The following VTA1 variants were observed in gnomAD, a reference collection of about 807,000 sequenced individuals.
The protein encoded by VTA1 is vesicle trafficking 1.
In VTA1, 24 loss-of-function variants were observed where a neutral mutation model predicts 36.9. That is an observed-to-expected ratio of 0.65 (90% CI 0.47 to 0.91). VTA1 has a LOEUF of 0.91. VTA1 is among the 40% of genes least tolerant of loss of function. The pLI is 0.00. For missense variants in VTA1, 393 were observed against 377.2 expected (o/e 1.04, Z -0.35); for synonymous variants, 142 against 130.2 (o/e 1.09, Z -0.62).
rs966128972 is a variant in VTA1 at position 142,219,156 on chromosome 6, T to G, written c.*513T>G. 2 of 152,152 alleles carry G rather than the reference T, an allele frequency of 1.3e-5. No individual in the cohort carries two copies. Among genetic ancestry groups the G allele is most frequent in the African/African-American group, 4.8e-5 (2 of 41,454 alleles). The allele number at this position is 152,152 out of a possible 1,614,324, so 9.4% of individuals were successfully genotyped here. A position where few individuals can be genotyped will look rare whatever the true frequency, so the allele number is the denominator to read the frequency against. On this transcript the variant is annotated 3_prime_UTR_variant, in exon 8 of 8. Transcript: ENST00000367630. ...CTGCTGGATGAATCTGAAAAGACAT[T>G]AAGTTCAAATTTTAATTTATTCTCA...
chr6:142,161,564 T>C (rs905680492), intron 1 of VTA1, among the ~76,000 whole-genome samples: 1 of 152,194 alleles, frequency 6.6e-6, no homozygotes, highest in Non-Finnish European at 1.5e-5. Context: ...TTTGCAAATA[T>C]GCCTCATTAC....
chr6:142,168,843 T>C (rs1774974626), intron 2 of VTA1, among the ~76,000 whole-genome samples: 1 of 151,316 alleles, frequency 6.6e-6, no homozygotes, highest in African/African-American at 2.4e-5. Context: ...CTCAGCCCAC[T>C]GCAAGCTCCT....
At position 142,211,711 on chromosome 6, in the gene VTA1, T is replaced by TAA. The variant is rs774060786; in HGVS notation, c.779-6787_779-6786insAA. 1.1e-3 allele frequency among the ~76,000 whole-genome samples: 77 copies of TAA among 72,920 alleles called. 6 individuals are homozygous for TAA. The highest frequency in any genetic ancestry group is 5.5e-3 in the East Asian group (24 of 4,372). 47.8% of individuals were successfully genotyped at this position (72,920 alleles called of 152,430 possible). A position where few individuals can be genotyped will look rare whatever the true frequency, so the allele number is the denominator to read the frequency against. On this transcript the variant is annotated intron_variant, in intron 7 of 7. Transcript: ENST00000367630. Reference sequence around the variant, plus strand: ...GGGCGAAAGAGCGAGACTCCATCTCTTAAAAAAAAAAAAAAAAATGAAAGG... The same window carrying TAA: ...GGGCGAAAGAGCGAGACTCCATCTCTAATAAAAAAAAAAAAAAAAATGAAAGG...
At position 142,218,797 on chromosome 6, in the gene VTA1, T is replaced by A; in HGVS notation, c.*154T>A. On this transcript the variant is annotated 3_prime_UTR_variant, in exon 8 of 8. Transcript: ENST00000367630. The stretch of plus-strand genomic sequence containing the variant: ...GTGTATCAGATTTTTATTGAAGCAT[T>A]CATCAGCAGCCTCAACCAGTTTTCA... 2 of 850,072 alleles carry A rather than the reference T, an allele frequency of 2.4e-6. No homozygotes were observed. Among genetic ancestry groups the A allele is most frequent in the Non-Finnish European group, 3.4e-6 (2 of 592,102 alleles). 52.7% of individuals were successfully genotyped at this position (850,072 alleles called of 1,614,324 possible).
intron 6 of VTA1, among the ~76,000 whole-genome samples, chr6:142,199,276 G>A (rs1208684243): frequency 6.6e-6 from 1 of 152,080 alleles, no homozygotes; most frequent in Non-Finnish European, 1.5e-5. Flanking sequence ...GTCAGGGTCA[G>A]TAAAGACACT....
chr6:142,188,503 G>A (rs1003141822), intron 4 of VTA1, among the ~76,000 whole-genome samples: 1 of 152,028 alleles, frequency 6.6e-6, no homozygotes, highest in Non-Finnish European at 1.5e-5. Context: ...ATGAGCCACC[G>A]TGCCTGTTTT....
rs1360313425 is a variant in VTA1, at chr6:142,213,508, C to T, written c.779-4990C>T. On this transcript the variant is annotated intron_variant, in intron 7 of 7. Coordinates refer to ENST00000367630, the MANE Select transcript of VTA1 (RefSeq NM_016485.5). The stretch of plus-strand genomic sequence containing the variant: ...TTCTCACAGCTCCACTAGGCAGTGC[C>T]CCAGTGGGCATGCTGCATGGGGGCT... Among the ~76,000 whole-genome samples, 5 of 152,190 alleles carry T rather than the reference C, an allele frequency of 3.3e-5. No homozygotes were observed. In the East Asian group the frequency reaches 9.6e-4, roughly 29 times the overall value.
In VTA1 at chr6:142,218,963, C is replaced by T. The variant is rs1049335163; in HGVS notation, c.*320C>T. The T allele has an allele frequency of 5.8e-6, 1 of 172,854 alleles. No individual in the cohort carries two copies. Among genetic ancestry groups the T allele is most frequent in the African/African-American group, 2.4e-5 (1 of 42,302 alleles). The allele number at this position is 172,854 out of a possible 1,614,324, so 10.7% of individuals were successfully genotyped here. A position where few individuals can be genotyped will look rare whatever the true frequency, so the allele number is the denominator to read the frequency against. ...GTACTGGGAATAAGCTTTGTATTTA[C>T]ATACATTAGGGGAATTTTTTAAAAT... On this transcript the variant is annotated 3_prime_UTR_variant, in exon 8 of 8. Coordinates refer to ENST00000367630, the MANE Select transcript of VTA1 (RefSeq NM_016485.5).
intron 4 of VTA1, among the ~76,000 whole-genome samples, chr6:142,170,913 C>A (rs1713730894): frequency 6.6e-6 from 1 of 151,670 alleles, no homozygotes; most frequent in African/African-American, 2.4e-5. Context: ...GGTGTGAACC[C>A]CATTGCACCT....
intron 7 of VTA1, among the ~76,000 whole-genome samples, chr6:142,212,633 GTATGAAGAA>G (rs1775926840): frequency 6.6e-6 from 1 of 152,152 alleles, no homozygotes; most frequent in African/African-American, 2.4e-5. Flanking sequence ...ACTGGGTAAT[GTATGAAGAA>G]TAGAGGTTTA....
intron 4 of VTA1, among the ~76,000 whole-genome samples, chr6:142,182,663 G>A (rs1360888173): frequency 6.6e-6 from 1 of 152,174 alleles, no homozygotes; most frequent in Non-Finnish European, 1.5e-5. Flanking sequence ...TTTAACCATT[G>A]TGGCCATTTA....
chr6:142,156,512 A>G (rs1413897366), intron 1 of VTA1, among the ~76,000 whole-genome samples: 1 of 152,338 alleles, frequency 6.6e-6, no homozygotes, highest in East Asian at 1.9e-4. Flanking sequence ...TGTTAGATAA[A>G]TATTTTGATT....
At chr6:142,163,336 C>T (rs533338894) in intron 1 of VTA1, among the ~76,000 whole-genome samples, 3 of 152,118 alleles carry the variant, frequency 2.0e-5, no homozygotes, top group African/African-American at 4.8e-5. Context: ...AAGATCTTTC[C>T]CTGCTGTCAT....
intron 1 of VTA1, among the ~76,000 whole-genome samples, chr6:142,153,806 A>G (rs1275372813): frequency 6.6e-6 from 1 of 152,002 alleles, no homozygotes; most frequent in African/African-American, 2.4e-5. Context: ...TAGTTTTTGC[A>G]TTTTCTTTTA....
intron 4 of VTA1, among the ~76,000 whole-genome samples, chr6:142,187,663 T>G (rs1483541523): frequency 6.6e-6 from 1 of 152,204 alleles, no homozygotes. Flanking sequence ...CAAAATGTCA[T>G]ACCTGGAAGA....
At chr6:142,198,252 A>G (rs1168270746) in intron 5 of VTA1, among the ~76,000 whole-genome samples, 187 bp from the exon 6 acceptor site, 3 of 151,976 alleles carry the variant, frequency 2.0e-5, no homozygotes, top group East Asian at 3.8e-4. Flanking sequence ...ATTGTCAGGT[A>G]CAATTACATT....
Position 142,170,503 on chromosome 6 carries a change from T to G in VTA1, c.411+82T>G, listed in dbSNP as rs556865021. 123 of 923,456 alleles carry G rather than the reference T, an allele frequency of 1.3e-4. No individual in the cohort carries two copies. The African/African-American group carries it at 2.0e-3, about 15-fold the overall frequency. 57.2% of individuals were successfully genotyped at this position (923,456 alleles called of 1,614,324 possible). ...TCAATATTGTTATTGCATTGTTTAT[T>G]TACAGCAGAATGTCTGTCAGAAATT... is the stretch of plus-strand genomic sequence containing the variant. On this transcript the variant is annotated intron_variant, in intron 4 of 7. Transcript: ENST00000367630.
intron 4 of VTA1, 146 bp downstream of exon 4, chr6:142,170,567 C>T: frequency 2.0e-6 from 1 of 507,438 alleles, no homozygotes; most frequent in South Asian, 3.8e-5. Context: ...TTTTTATTAG[C>T]CATTTTTAAA....
At chr6:142,193,928 A>G (rs1452207209) in intron 5 of VTA1, among the ~76,000 whole-genome samples, 1 of 152,050 alleles carries the variant, frequency 6.6e-6, no homozygotes, top group Non-Finnish European at 1.5e-5. Context: ...ACACTGGTCC[A>G]TTATATTGAT....
Sources: gnomAD v4.1 joint callset for allele counts (sites outside exome capture counted in the v4.1 genomes callset) on GRCh38, gnomAD v4.1.1 for gene constraint, MANE v1.5 for transcripts, NCBI Gene and HGNC (gene_info 2026-07-23, HGNC 2026-07-21) for gene names.